RBM19: variants seen among roughly 807,000 people sequenced by gnomAD.
RBM19 encodes the protein RNA binding motif protein 19, also known as probable RNA-binding protein 19.
In RBM19, 94 loss-of-function variants were observed where a neutral mutation model predicts 116.8. The observed-to-expected ratio is 0.80, with a 90% confidence interval of 0.68 to 0.95. The LOEUF (loss-of-function observed/expected upper bound fraction) is 0.95. Ranked by LOEUF, RBM19 falls within the 40% of genes least tolerant of loss-of-function variation. The pLI is 0.00. For missense variants in RBM19, 1,161 were observed against 1,220.7 expected, an observed-to-expected ratio of 0.95 and a Z score of 0.73; for synonymous variants, 475 against 494.1, an observed-to-expected ratio of 0.96 and a Z score of 0.51.
At chr12:113,831,745 G>T (rs1292156774) in intron 23 of RBM19, among the ~76,000 whole-genome samples, 1 of 152,016 alleles carries the variant, frequency 6.6e-6, no homozygotes, top group East Asian at 1.9e-4. Flanking sequence ...AGCCGCTCCC[G>T]GGGGAAGGGG....
intron 21 of RBM19, among the ~76,000 whole-genome samples, chr12:113,912,248 C>T (rs1882475833): frequency 6.6e-6 from 1 of 152,234 alleles, no homozygotes; most frequent in African/African-American, 2.4e-5. Context: ...GAGCCCTGCA[C>T]TCTCACCTGC....
At chr12:113,863,085 G>GA (rs1182749585) in intron 21 of RBM19, among the ~76,000 whole-genome samples, 1 of 150,970 alleles carries the variant, frequency 6.6e-6, no homozygotes, top group Non-Finnish European at 1.5e-5. Flanking sequence ...GAGGAGGGGG[G>GA]AGGAGGTGGG....
chr12:113,868,020 T>C lies in RBM19; in HGVS notation c.2559-9124A>G, dbSNP rs545592758. 2.6e-5 allele frequency among the ~76,000 whole-genome samples: 4 copies of C among 152,340 alleles called. No individual in the cohort carries two copies. The East Asian group carries it at 7.7e-4, about 29-fold the overall frequency. ...TTCTAGTATTTTTTCTCCTGTTCCA[T>C]CGCAGGCACCTTCGGTAGTCACACC... On this transcript the variant is annotated intron_variant, in intron 21 of 23. Transcript: ENST00000261741.
chr12:113,919,599 C>T (rs745995967), intron 19 of RBM19, among the ~76,000 whole-genome samples: 1 of 152,288 alleles, frequency 6.6e-6, no homozygotes, highest in Middle Eastern at 3.4e-3. Flanking sequence ...ATAGCTGGTG[C>T]AAAATTTGCC....
At chr12:113,925,659 G>A (rs1869000459) in intron 17 of RBM19, among the ~76,000 whole-genome samples, 1 of 152,164 alleles carries the variant, frequency 6.6e-6, no homozygotes, top group East Asian at 1.9e-4. Flanking sequence ...TGTGACCTAA[G>A]GACAGTGAAC....
At chr12:113,939,881 T>G in intron 15 of RBM19, 79 bp downstream of exon 15, 1 of 1,467,880 alleles carries the variant, frequency 6.8e-7, no homozygotes, top group African/African-American at 1.4e-5. Flanking sequence ...TGTGAATCCA[T>G]AGCCCACTGC....
At position 113,947,257 on chromosome 12, in the gene RBM19, T is replaced by TACACAC. The variant is rs369688809; in HGVS notation, c.1407+71_1407+76dup. 2.7e-5 allele frequency: 38 copies of TACACAC among 1,401,754 alleles called. No homozygotes were observed. In the African/African-American group the frequency reaches 5.0e-4, roughly 18 times the overall value. 86.8% of individuals were successfully genotyped at this position (1,401,754 alleles called of 1,614,324 possible). ...AAGTGGACGCCCGTGTCCACACACA[T>TACACAC]ACACACACACACACACCAGCCTTTC... On this transcript the variant is annotated intron_variant, in intron 11 of 23. Coordinates refer to ENST00000261741, the MANE Select transcript of RBM19 (RefSeq NM_016196.4).
At chr12:113,871,667 T>C (rs1879213928) in intron 21 of RBM19, among the ~76,000 whole-genome samples, 1 of 152,178 alleles carries the variant, frequency 6.6e-6, no homozygotes, top group Non-Finnish European at 1.5e-5. Context: ...TTAAAACCAC[T>C]GGAAAAGCAC....
At chr12:113,857,586 G>A (rs1001741021) in intron 22 of RBM19, among the ~76,000 whole-genome samples, 7 of 152,392 alleles carry the variant, frequency 4.6e-5, no homozygotes, top group Admixed American at 3.3e-4. Flanking sequence ...TGTCTCTGAT[G>A]AGAGGCGAGG....
chr12:113,851,390 GGACAC>G (rs1190375879), intron 22 of RBM19, among the ~76,000 whole-genome samples: 1 of 152,172 alleles, frequency 6.6e-6, no homozygotes, highest in Non-Finnish European at 1.5e-5. Context: ...GACAAAAGTG[GGACAC>G]ACTTTGGACC....
At chr12:113,833,209 T>C (rs1041569962) in intron 23 of RBM19, among the ~76,000 whole-genome samples, 1 of 152,172 alleles carries the variant, frequency 6.6e-6, no homozygotes, top group African/African-American at 2.4e-5. Context: ...CGTGAGTGGC[T>C]TGGAGCAAAA....
intron 16 of RBM19, among the ~76,000 whole-genome samples, chr12:113,931,385 G>A (rs1344755245): frequency 6.6e-6 from 1 of 152,190 alleles, no homozygotes; most frequent in Non-Finnish European, 1.5e-5. Flanking sequence ...AGGTCCATGA[G>A]CTGTGGCTGG....
At chr12:113,853,619 A>G (rs961956877) in intron 22 of RBM19, among the ~76,000 whole-genome samples, 2 of 152,018 alleles carry the variant, frequency 1.3e-5, no homozygotes, top group African/African-American at 4.8e-5. Flanking sequence ...GGGTAAAGAG[A>G]GAGGAGGTGG....
chr12:113,887,529 C>T (rs1880611118), intron 21 of RBM19, among the ~76,000 whole-genome samples: 4 of 111,252 alleles, frequency 3.6e-5, no homozygotes, highest in African/African-American at 1.1e-4. Context: ...CGCAGCTACT[C>T]GGGAGGCTGA....
At chr12:113,953,631 C>T (rs539325844) in intron 7 of RBM19, among the ~76,000 whole-genome samples, 1 of 152,306 alleles carries the variant, frequency 6.6e-6, no homozygotes, top group Admixed American at 6.5e-5. Context: ...ACCCAGGGTT[C>T]AGGAAAATGG....
At position 113,895,281 on chromosome 12, in the gene RBM19, C is replaced by T. The variant is rs569446654; in HGVS notation, c.2558+19688G>A. Among the ~76,000 whole-genome samples the T allele has an allele frequency of 2.4e-4, 36 of 152,192 alleles. 1 individual carries two copies. In the South Asian group the frequency reaches 5.2e-3, roughly 22 times the overall value. On this transcript the variant is annotated intron_variant, in intron 21 of 23. Coordinates refer to ENST00000261741, the MANE Select transcript of RBM19 (RefSeq NM_016196.4). ...AGACCAATGCCTCATCTTGGTTGGG[C>T]GGGAGAGAGTGTGTGTCAGTCCACG... is the stretch of plus-strand genomic sequence containing the variant.
Position 113,940,164 on chromosome 12 carries a change from CAA to C in RBM19, c.1738-6_1738-5del. Reference sequence around the variant, plus strand: ...TCTTGCTTCGCTCTGCTGCAGCCTGCAAAGAGGAAATGCACACACATGGGACC... The same window carrying C: ...TCTTGCTTCGCTCTGCTGCAGCCTGCAGAGGAAATGCACACACATGGGACC... On this transcript the variant is annotated splice_polypyrimidine_tract_variant and splice_region_variant and intron_variant, in intron 14 of 23. Coordinates refer to ENST00000261741, the MANE Select transcript of RBM19 (RefSeq NM_016196.4). 1.2e-6 allele frequency: 2 copies of C among 1,611,332 alleles called. No homozygotes were observed. Among genetic ancestry groups the C allele is most frequent in the South Asian group, 2.2e-5 (2 of 90,828 alleles).
chr12:113,865,923 C>A (rs1213917653), intron 21 of RBM19, among the ~76,000 whole-genome samples: 2 of 152,182 alleles, frequency 1.3e-5, no homozygotes, highest in South Asian at 4.1e-4. Context: ...TTGGTGGGAA[C>A]GAGAAGACAC....
chr12:113,957,948 T>C lies in RBM19; in HGVS notation c.674A>G (p.Glu225Gly). 1 of 1,613,948 alleles carries C rather than the reference T, an allele frequency of 6.2e-7. No homozygotes were observed. The highest frequency in any genetic ancestry group is 8.5e-7 in the Non-Finnish European group (1 of 1,179,938). ...MVKAGSSSSS[E>G]EEESEDEAVH... The stretch of plus-strand genomic sequence containing the variant: ...GGCTTCATCTTCACTTTCCTCTTCC[T>C]CCGAGGAAGAGGACGACCCAGCCTT... The change falls in exon 6 of 24, where the codon GAG becomes GGG. Residue 225 changes from glutamate (E) to glycine (G), a missense_variant. Glu to Gly is a moderately conservative substitution (Grantham distance 98). Coordinates refer to ENST00000261741, the MANE Select transcript of RBM19 (RefSeq NM_016196.4).
Sources: gnomAD v4.1 joint callset for allele counts (sites outside exome capture counted in the v4.1 genomes callset) on GRCh38, gnomAD v4.1.1 for gene constraint, MANE v1.5 for transcripts, NCBI Gene and HGNC (gene_info 2026-07-23, HGNC 2026-07-21) for gene names.